DOCK8: variants seen among roughly 807,000 people sequenced by gnomAD.
The protein encoded by DOCK8 is dedicator of cytokinesis 8.
A neutral mutation model predicts 245.6 loss-of-function variants in DOCK8; 141 were observed. That is an observed-to-expected ratio of 0.57 (90% CI 0.50 to 0.66). The LOEUF (loss-of-function observed/expected upper bound fraction) is 0.66. Ranked by LOEUF, DOCK8 falls within the 30% of genes least tolerant of loss-of-function variation. The pLI is 0.00. For synonymous variants in DOCK8, 1,168 were observed against 970.2 expected (o/e 1.20, Z -3.79); for missense variants, 2,965 against 2,603.4 (o/e 1.14, Z -3.02).
At chr9:393,377 C>T (rs1308385498) in intron 24 of DOCK8, among the ~76,000 whole-genome samples, 1 of 152,196 alleles carries the variant, frequency 6.6e-6, no homozygotes, top group African/African-American at 2.4e-5. Flanking sequence ...TACTGAGCAT[C>T]TTACTATATA....
upstream of DOCK8, among the ~76,000 whole-genome samples, chr9:211,793 A>G (rs961328129): frequency 1.3e-5 from 2 of 152,148 alleles, no homozygotes; most frequent in African/African-American, 4.8e-5. Flanking sequence ...CACAATTAGC[A>G]AAAAGCTGAA....
intron 14 of DOCK8, among the ~76,000 whole-genome samples, chr9:367,676 A>G (rs901883817): frequency 2.0e-5 from 3 of 152,236 alleles, no homozygotes; most frequent in African/African-American, 4.8e-5. Context: ...CATGAGTTTT[A>G]TTTAAAATGA....
At chr9:399,011 A>C (rs73639207) in intron 25 of DOCK8, 135 bp from the exon 26 acceptor site, 1 of 754,814 alleles carries the variant, frequency 1.3e-6, no homozygotes, top group African/African-American at 1.7e-5. Context: ...AGACTCAACT[A>C]CTTCGCCCAG....
intron 1 of DOCK8, chr9:215,377 C>A (rs778606690): frequency 6.3e-7 from 1 of 1,589,532 alleles, no homozygotes; most frequent in Non-Finnish European, 8.6e-7. Flanking sequence ...CCGTGTTGGG[C>A]GCGCCACGGA....
intron 1 of DOCK8, among the ~76,000 whole-genome samples, chr9:232,732 C>T (rs541613397): frequency 5.6e-4 from 86 of 152,218 alleles, no homozygotes; most frequent in African/African-American, 1.6e-3. Context: ...TCTGTGGGAT[C>T]GGTGGTGATA....
At chr9:388,607 T>C (rs1310420427) in intron 23 of DOCK8, among the ~76,000 whole-genome samples, 1 of 151,400 alleles carries the variant, frequency 6.6e-6, no homozygotes, top group African/African-American at 2.4e-5. Context: ...CAGGCTGGAG[T>C]GCCGTGGTGC....
intron 1 of DOCK8, among the ~76,000 whole-genome samples, chr9:259,690 G>A (rs2129751219): frequency 1.3e-5 from 2 of 152,316 alleles, no homozygotes; most frequent in Admixed American, 1.3e-4. Context: ...CAAAAAATGA[G>A]TCGACCTTCT....
intron 1 of DOCK8, among the ~76,000 whole-genome samples, chr9:223,721 C>A (rs1188820503): frequency 1.3e-5 from 2 of 151,000 alleles, no homozygotes; most frequent in African/African-American, 4.9e-5. Flanking sequence ...AAGGTCTCCA[C>A]TTAACAGAAT....
chr9:395,696 C>T (rs2131387532), intron 24 of DOCK8, among the ~76,000 whole-genome samples: 1 of 152,244 alleles, frequency 6.6e-6, no homozygotes, highest in Non-Finnish European at 1.5e-5. Context: ...AAGGATAAGA[C>T]TCACCCTCAG....
chr9:333,012 G>T (rs894276507), intron 10 of DOCK8, among the ~76,000 whole-genome samples: 1 of 152,058 alleles, frequency 6.6e-6, no homozygotes, highest in Non-Finnish European at 1.5e-5. Flanking sequence ...TTGACATACA[G>T]CAAGGTCTGA....
chr9:355,413 A>C (rs982629710), intron 14 of DOCK8, among the ~76,000 whole-genome samples: 1 of 152,048 alleles, frequency 6.6e-6, no homozygotes, highest in African/African-American at 2.4e-5. Context: ...CTTGTTGGCC[A>C]GGATGGTCTC....
At chr9:397,706 A>T (rs1375961807) in intron 25 of DOCK8, among the ~76,000 whole-genome samples, 1 of 152,206 alleles carries the variant, frequency 6.6e-6, no homozygotes, top group South Asian at 2.1e-4. Flanking sequence ...AAATGTAGAT[A>T]TGAAAGATAA....
At chr9:323,811 A>G (rs556534950) in intron 7 of DOCK8, among the ~76,000 whole-genome samples, 1 of 152,290 alleles carries the variant, frequency 6.6e-6, no homozygotes, top group East Asian at 1.9e-4. Flanking sequence ...CCTCAGGTTC[A>G]TCTATATTGT....
At chr9:398,306 G>A (rs1035736574) in intron 25 of DOCK8, among the ~76,000 whole-genome samples, 3 of 152,286 alleles carry the variant, frequency 2.0e-5, no homozygotes, top group East Asian at 3.9e-4. Flanking sequence ...TCAGCGGCAC[G>A]GTAGCAACCT....
rs747819877 is a variant in DOCK8 at position 390,580 on chromosome 9, G to A, written c.2970+14G>A. Reference sequence around the variant, plus strand: ...TTTGAGCTTCTGGTGAGATTCTTGCGCGTTTGTATCTGTGCTCAATAGGCC... The same window carrying A: ...TTTGAGCTTCTGGTGAGATTCTTGCACGTTTGTATCTGTGCTCAATAGGCC... On this transcript the variant is annotated intron_variant, in intron 24 of 47. Coordinates refer to ENST00000432829, the MANE Select transcript of DOCK8 (RefSeq NM_203447.4). 1.9e-5 allele frequency: 30 copies of A among 1,611,860 alleles called. No individual in the cohort carries two copies. Among genetic ancestry groups the A allele is most frequent in the African/African-American group, 2.7e-5 (2 of 74,806 alleles).
intron 1 of DOCK8, among the ~76,000 whole-genome samples, chr9:238,578 C>A (rs527263958): frequency 6.6e-6 from 1 of 152,318 alleles, no homozygotes; most frequent in African/African-American, 2.4e-5. Flanking sequence ...GGTAAGTCCT[C>A]ACTTAATGTT....
At chr9:379,655 G>T in intron 20 of DOCK8, 116 bp from the exon 21 acceptor site, 2 of 1,140,978 alleles carry the variant, frequency 1.8e-6, no homozygotes, top group South Asian at 1.3e-5. Flanking sequence ...ACCCTTCCCA[G>T]GCCTAGTTAA....
Position 400,006 on chromosome 9 carries a change from TC to T in DOCK8, c.3234+749del, listed in dbSNP as rs1564011386. 3.0e-3 allele frequency among the ~76,000 whole-genome samples: 240 copies of T among 80,440 alleles called. 13 individuals are homozygous for T. The highest frequency in any genetic ancestry group is 4.4e-3 in the Non-Finnish European group (181 of 41,598). The allele number at this position is 80,440 out of a possible 152,430, so 52.8% of individuals were successfully genotyped here. On this transcript the variant is annotated intron_variant, in intron 26 of 47. Coordinates refer to ENST00000432829, the MANE Select transcript of DOCK8 (RefSeq NM_203447.4). Reference sequence around the variant, plus strand: ...ACCACCTCCCACCACCTCCACCACCTCCACCATCACCACCACCTCCACCATC... The same window carrying T: ...ACCACCTCCCACCACCTCCACCACCTCACCATCACCACCACCTCCACCATC...
At chr9:283,270 A>C (rs1438187628) in intron 2 of DOCK8, among the ~76,000 whole-genome samples, 2 of 152,196 alleles carry the variant, frequency 1.3e-5, no homozygotes, top group Admixed American at 1.3e-4. Context: ...CCTAGTCCGA[A>C]AATGCAAAAT....
Sources: gnomAD v4.1 joint callset for allele counts (sites outside exome capture counted in the v4.1 genomes callset) on GRCh38, gnomAD v4.1.1 for gene constraint, MANE v1.5 for transcripts, NCBI Gene and HGNC (gene_info 2026-07-23, HGNC 2026-07-21) for gene names.